LRP1B: variants seen among roughly 807,000 people sequenced by gnomAD.
LRP1B encodes the protein LDL receptor related protein 1B, also known as low-density lipoprotein receptor-related protein 1B.
A neutral mutation model predicts 556.6 loss-of-function variants in LRP1B; 217 were observed. That is an observed-to-expected ratio of 0.39 (90% CI 0.35 to 0.44). LRP1B has a LOEUF of 0.44. LRP1B is among the 20% of genes least tolerant of loss of function. The pLI, the probability that LRP1B is intolerant of heterozygous loss-of-function variation, is 1.00. For synonymous variants in LRP1B, 2,047 were observed against 1,865.8 expected (o/e 1.10, Z -2.50); for missense variants, 5,053 against 5,620.8 (o/e 0.90, Z 3.23).
At chr2:140,350,719 T>C (rs1410059646) in intron 77 of LRP1B, 78 bp downstream of exon 77, 5 of 1,246,206 alleles carry the variant, frequency 4.0e-6, no homozygotes, top group African/African-American at 3.1e-5. Context: ...TAATTAGATA[T>C]TATATTAGAT....
At chr2:141,548,231 T>C (rs932194447) in intron 2 of LRP1B, among the ~76,000 whole-genome samples, 2 of 152,218 alleles carry the variant, frequency 1.3e-5, no homozygotes, top group Admixed American at 1.3e-4. Flanking sequence ...TTCAATGACA[T>C]GTTCCTTTGA....
At chr2:141,733,945 C>T in intron 2 of LRP1B, among the ~76,000 whole-genome samples, 1 of 152,038 alleles carries the variant, frequency 6.6e-6, no homozygotes, top group Admixed American at 6.6e-5. Context: ...ACTGTATATA[C>T]CTGCCTTTAT....
intron 66 of LRP1B, among the ~76,000 whole-genome samples, chr2:140,426,788 A>G (rs1184964662): frequency 1.3e-5 from 2 of 152,172 alleles, no homozygotes; most frequent in Non-Finnish European, 2.9e-5. Flanking sequence ...GTCTCTTCAC[A>G]TGGACGTGCA....
At chr2:141,484,333 G>C (rs1294883437) in intron 2 of LRP1B, among the ~76,000 whole-genome samples, 3 of 149,280 alleles carry the variant, frequency 2.0e-5, no homozygotes, top group Non-Finnish European at 3.0e-5. Flanking sequence ...TCTCCATTTT[G>C]GTACCAGTAC....
At chr2:141,496,489 T>C (rs1013643378) in intron 2 of LRP1B, among the ~76,000 whole-genome samples, 3 of 152,090 alleles carry the variant, frequency 2.0e-5, no homozygotes, top group Non-Finnish European at 4.4e-5. Context: ...GTGCCCATTT[T>C]CTGGAAATAC....
At chr2:140,332,132 T>A (rs1255757791) in intron 79 of LRP1B, among the ~76,000 whole-genome samples, 1 of 152,068 alleles carries the variant, frequency 6.6e-6, no homozygotes, top group Non-Finnish European at 1.5e-5. Flanking sequence ...TTTTAAAAAT[T>A]TCCTCATGAT....
chr2:140,318,632 C>T (rs1684633819), intron 82 of LRP1B, among the ~76,000 whole-genome samples: 1 of 147,826 alleles, frequency 6.8e-6, no homozygotes, highest in South Asian at 2.1e-4. Context: ...TTTCCAATAA[C>T]TCTGGAAGCT....
intron 31 of LRP1B, among the ~76,000 whole-genome samples, chr2:140,827,072 A>G (rs185159926): frequency 3.4e-4 from 52 of 152,258 alleles, no homozygotes; most frequent in East Asian, 2.1e-3. Context: ...TTAATATGCC[A>G]TCTAATGCCC....
intron 7 of LRP1B, among the ~76,000 whole-genome samples, chr2:141,118,632 A>T (rs978733221): frequency 1.3e-5 from 2 of 151,954 alleles, no homozygotes; most frequent in Non-Finnish European, 2.9e-5. Flanking sequence ...ACAATTTTAA[A>T]AGGATATCAA....
intron 2 of LRP1B, among the ~76,000 whole-genome samples, chr2:141,587,000 T>C (rs1687166429): frequency 6.7e-6 from 1 of 150,156 alleles, no homozygotes; most frequent in South Asian, 2.1e-4. Flanking sequence ...AATACTCATA[T>C]ATGACACCTG....
chr2:140,422,546 G>A (rs982972851), intron 66 of LRP1B, among the ~76,000 whole-genome samples: 1 of 152,180 alleles, frequency 6.6e-6, no homozygotes, highest in Non-Finnish European at 1.5e-5. Context: ...AGCCCATGAA[G>A]AGAGATGAAA....
chr2:140,671,937 G>A (rs1430855629), intron 41 of LRP1B, among the ~76,000 whole-genome samples: 1 of 152,124 alleles, frequency 6.6e-6, no homozygotes, highest in Admixed American at 6.6e-5. Flanking sequence ...GTCCTCAAAA[G>A]TCTCAAATCA....
chr2:141,160,189 A>G (rs1441946579), intron 7 of LRP1B, among the ~76,000 whole-genome samples: 5 of 152,194 alleles, frequency 3.3e-5, no homozygotes, highest in Non-Finnish European at 7.3e-5. Flanking sequence ...CCATTGGGAC[A>G]TGAAAATTAA....
chr2:140,334,460 T>G lies in LRP1B; in HGVS notation c.12216A>C (p.Arg4072Ser). 1 of 1,598,962 alleles carries G rather than the reference T, an allele frequency of 6.3e-7. No individual in the cohort carries two copies. The change falls in exon 79 of 91, where the codon AGA becomes AGC. Residue 4072 changes from arginine to serine, a missense_variant. Physicochemically the swap from Arg to Ser is moderately radical, Grantham distance 110. Coordinates refer to ENST00000389484, the MANE Select transcript of LRP1B (RefSeq NM_018557.3). ...RRILVQKNLQ[R>S]PTGLAVDYFS... ...GTGTGTCAGAAATCATACCTGTGGG[T>G]CTCTGTAAGTTCTTTTGTACTAAAA...
chr2:141,168,092 TAAG>T (rs576572664), intron 7 of LRP1B, among the ~76,000 whole-genome samples: 170 of 152,140 alleles, frequency 1.1e-3, no homozygotes, highest in African/African-American at 3.3e-3. Context: ...CAGGGTATAT[TAAG>T]AAAACTAAAA....
intron 41 of LRP1B, among the ~76,000 whole-genome samples, chr2:140,687,571 C>T (rs775963074): frequency 2.6e-5 from 4 of 151,542 alleles, no homozygotes; most frequent in Non-Finnish European, 5.9e-5. Context: ...CTGATATCCA[C>T]ATGATTTTTT....
intron 79 of LRP1B, among the ~76,000 whole-genome samples, chr2:140,329,665 A>ATACT (rs1558806339): frequency 6.6e-6 from 1 of 152,048 alleles, no homozygotes. Flanking sequence ...AGACAATAAA[A>ATACT]TACTTAGAAA....
chr2:141,570,855 A>C (rs1331901286), intron 2 of LRP1B, among the ~76,000 whole-genome samples: 2 of 151,044 alleles, frequency 1.3e-5, no homozygotes, highest in Non-Finnish European at 3.0e-5. Context: ...GCTTCTCTGC[A>C]GGAACTCCAA....
intron 6 of LRP1B, among the ~76,000 whole-genome samples, chr2:141,205,298 A>G (rs570430107): frequency 1.3e-5 from 2 of 152,272 alleles, no homozygotes; most frequent in African/African-American, 4.8e-5. Flanking sequence ...ATAATTCGAG[A>G]GGGAAAAAAT....
Sources: gnomAD v4.1 joint callset for allele counts (sites outside exome capture counted in the v4.1 genomes callset) on GRCh38, gnomAD v4.1.1 for gene constraint, MANE v1.5 for transcripts, NCBI Gene and HGNC (gene_info 2026-07-23, HGNC 2026-07-21) for gene names.